Variants in ANKRD36 observed in about 807,000 individuals in gnomAD.
ANKRD36 encodes ankyrin repeat domain-containing protein 36A.
ANKRD36 carries 179 observed loss-of-function variants against 278.1 expected under a neutral mutation model. That is an observed-to-expected ratio of 0.64 (90% CI 0.57 to 0.73). The LOEUF (loss-of-function observed/expected upper bound fraction) is 0.73. Ranked by LOEUF, ANKRD36 falls within the 30% of genes least tolerant of loss-of-function variation. The pLI is 0.00. For missense variants in ANKRD36, 1,159 were observed against 1,956.7 expected (o/e 0.59, Z 7.69); for synonymous variants, 320 against 641.1 (o/e 0.50, Z 7.57).
At chr2:97,179,655 C>G in intron 22 of ANKRD36, 83 bp from the exon 23 acceptor site, 2 of 1,565,736 alleles carry the variant, frequency 1.3e-6, no homozygotes, top group Admixed American at 1.8e-5. Context: ...AAACTTGATG[C>G]TAACATGCTA....
At chr2:97,157,141 C>CTCTCTG in intron 15 of ANKRD36, among the ~76,000 whole-genome samples, 1 of 151,502 alleles carries the variant, frequency 6.6e-6, no homozygotes, top group Non-Finnish European at 1.5e-5. Context: ...CTCTCTCTCT[C>CTCTCTG]TCTCTCTCTG....
chr2:97,203,559 T>C (rs1220769613), intron 48 of ANKRD36, among the ~76,000 whole-genome samples: 1 of 151,860 alleles, frequency 6.6e-6, no homozygotes, highest in Non-Finnish European at 1.5e-5. Flanking sequence ...TGTAGGACAC[T>C]TCCACTGAAG....
chr2:97,172,194 A>G (rs1169763036), intron 22 of ANKRD36, among the ~76,000 whole-genome samples: 1 of 151,818 alleles, frequency 6.6e-6, no homozygotes, highest in African/African-American at 2.4e-5. Flanking sequence ...TTCATAGATA[A>G]CATGTAGGAC....
intron 67 of ANKRD36, among the ~76,000 whole-genome samples, chr2:97,226,830 A>T (rs2069859124): frequency 6.6e-6 from 1 of 151,530 alleles, no homozygotes; most frequent in Admixed American, 6.6e-5. Context: ...ATCCAGTTGC[A>T]GCTTTCTACA....
intron 18 of ANKRD36, chr2:97,163,538 T>TCA: frequency 3.7e-6 from 1 of 269,668 alleles, no homozygotes; most frequent in Non-Finnish European, 7.2e-6. Context: ...AAAGTAATGA[T>TCA]TGAGAGCATT....
intron 24 of ANKRD36, among the ~76,000 whole-genome samples, chr2:97,180,795 A>G (rs1329281387): frequency 1.3e-5 from 2 of 151,712 alleles, no homozygotes; most frequent in African/African-American, 4.8e-5. Context: ...GTTGAATTCT[A>G]ATTAACTCCT....
intron 48 of ANKRD36, 131 bp from the exon 49 acceptor site, chr2:97,203,937 A>G: frequency 1.4e-6 from 2 of 1,416,904 alleles, no homozygotes; most frequent in Non-Finnish European, 1.9e-6. Flanking sequence ...TCCCCAGACC[A>G]AAATTAGAAG....
Position 97,206,071 on chromosome 2 carries a change from T to G in ANKRD36, c.3099T>G (p.Ser1033Arg). Reference protein sequence around the residue: ...SQKPPTLKATSDEEDSVLSIA... With the variant: ...SQKPPTLKATRDEEDSVLSIA... ...TTTCAAATTCCATTCAGGCTACAAG[T>G]GATGAGGAAGATTCTGTTTTGAGTA... Residue 1033 changes from serine to arginine, a missense_variant, in exon 52 of 76, where the codon AGT (serine) becomes AGG (arginine). By Grantham distance (110) the Ser-to-Arg change is moderately radical. Coordinates refer to ENST00000420699, the MANE Select transcript of ANKRD36 (RefSeq NM_001354587.1). The G allele has an allele frequency of 6.4e-7, 1 of 1,551,004 alleles. No individual in the cohort carries two copies. The highest frequency in any genetic ancestry group is 1.9e-5 in the Admixed American group (1 of 51,792).
chr2:97,207,995 A>C lies in ANKRD36; in HGVS notation c.3254A>C (p.Lys1085Thr). ...NIARGKKYGE[K>T]TKRVSSRKKP... ...GCCAGAGGAAAAAAGTATGGAGAAA[A>C]AACTAAGAGAGGTAATTTTGAAAAG... Residue 1085 changes from lysine to threonine, a missense_variant, in exon 54 of 76, where the codon AAA becomes ACA. By Grantham distance (78) the Lys-to-Thr change is moderately conservative (BLOSUM62 -1). Transcript: ENST00000420699. 6.6e-7 allele frequency: 1 copy of C among 1,521,228 alleles called. No individual in the cohort carries two copies. The highest frequency in any genetic ancestry group is 8.8e-7 in the Non-Finnish European group (1 of 1,131,458). The allele number at this position is 1,521,228 out of a possible 1,614,324, so 94.2% of individuals were successfully genotyped here.
chr2:97,196,508 G>T, intron 40 of ANKRD36, 85 bp from the exon 41 acceptor site: 1 of 1,584,444 alleles, frequency 6.3e-7, no homozygotes, highest in East Asian at 2.3e-5. Context: ...CAGGAGGACA[G>T]AGGTTGATGC....
In ANKRD36 at chr2:97,194,916, A is replaced by G. The variant is rs2059347544; in HGVS notation, c.2550A>G (p.Lys850=). The G allele has an allele frequency of 1.3e-6, 2 of 1,548,306 alleles. No homozygotes were observed. The highest frequency in any genetic ancestry group is 1.2e-5 in the South Asian group (1 of 84,226). ...RGKKDGEISR[K]VSSQKPPTLK... ...AAAAGGATGGAGAAATATCTAGGAA[A>G]GGTAATTTTGCGAAACACATTTAAT... is the stretch of plus-strand genomic sequence containing the variant. Residue 850 remains lysine (K), a splice_region_variant and synonymous_variant, in exon 40 of 76, where the codon AAA becomes AAG. Transcript: ENST00000420699.
At chr2:97,220,730 T>C (rs1362532410) in intron 66 of ANKRD36, among the ~76,000 whole-genome samples, 13 of 43,326 alleles carry the variant, frequency 3.0e-4, no homozygotes, top group African/African-American at 2.8e-3. Flanking sequence ...ATTTTCTTGC[T>C]TTTTTTTTTT....
At chr2:97,232,109 G>A (rs1311942828) in intron 67 of ANKRD36, among the ~76,000 whole-genome samples, 2 of 151,910 alleles carry the variant, frequency 1.3e-5, no homozygotes, top group African/African-American at 4.8e-5. Flanking sequence ...CAGTGATTTG[G>A]GAGTAGGTAA....
At chr2:97,221,081 T>C (rs2067512141) in intron 66 of ANKRD36, among the ~76,000 whole-genome samples, 2 of 132,414 alleles carry the variant, frequency 1.5e-5, no homozygotes, top group African/African-American at 7.0e-5. Context: ...TCCAATTTCA[T>C]CCATGTCCCT....
At chr2:97,173,721 G>A (rs528537381) in intron 22 of ANKRD36, among the ~76,000 whole-genome samples, 3,583 of 151,772 alleles carry the variant, frequency 0.024, 133 homozygotes, top group African/African-American at 0.081. Flanking sequence ...GTAATTTGGA[G>A]GTTTCTGATG....
intron 12 of ANKRD36, among the ~76,000 whole-genome samples, chr2:97,151,620 A>T (rs1435338568): frequency 2.0e-5 from 3 of 151,758 alleles, no homozygotes; most frequent in African/African-American, 7.3e-5. Context: ...AATAAAAGAA[A>T]CTAATGGATA....
intron 22 of ANKRD36, among the ~76,000 whole-genome samples, chr2:97,174,534 A>T (rs2053643585): frequency 6.6e-6 from 1 of 151,858 alleles, no homozygotes; most frequent in Non-Finnish European, 1.5e-5. Flanking sequence ...CTATTGGATA[A>T]AATAGCAACT....
chr2:97,139,294 A>AT (rs200471253), intron 6 of ANKRD36, among the ~76,000 whole-genome samples: 10,209 of 151,504 alleles, frequency 0.067, 618 homozygotes, highest in Non-Finnish European at 0.09. Flanking sequence ...CTTGAATTAA[A>AT]TTTTTTTTTA....
chr2:97,187,250 G>A (rs2057605080), intron 31 of ANKRD36, 24 bp downstream of exon 31: 1 of 1,609,212 alleles, frequency 6.2e-7, no homozygotes, highest in South Asian at 1.1e-5. Context: ...CATTTATATT[G>A]TGAACTAGTA....
Sources: gnomAD v4.1 joint callset for allele counts (sites outside exome capture counted in the v4.1 genomes callset) on GRCh38, gnomAD v4.1.1 for gene constraint, MANE v1.5 for transcripts, NCBI Gene and HGNC (gene_info 2026-07-23, HGNC 2026-07-21) for gene names.